Variants in R3HDM2 observed in about 807,000 individuals in gnomAD.
R3HDM2 encodes R3H domain containing 2.
R3HDM2 carries 38 observed loss-of-function variants against 124.5 expected under a neutral mutation model. The ratio of observed to expected loss-of-function variants is 0.31; its 90% CI spans 0.24 to 0.40. The LOEUF (loss-of-function observed/expected upper bound fraction) is 0.40. Ranked by LOEUF, R3HDM2 falls within the 10% of genes least tolerant of loss-of-function variation. The pLI, the probability that R3HDM2 is intolerant of heterozygous loss-of-function variation, is 1.00. For missense variants in R3HDM2, 869 were observed against 1,236.9 expected (o/e 0.70, Z 4.46); for synonymous variants, 391 against 448.0 (o/e 0.87, Z 1.61).
At chr12:57,351,108 T>C (rs1469637454) in intron 2 of R3HDM2, among the ~76,000 whole-genome samples, 1 of 151,490 alleles carries the variant, frequency 6.6e-6, no homozygotes, top group East Asian at 1.9e-4. Context: ...TCTCAAAAAA[T>C]AAAAATAAAA....
chr12:57,391,859 G>T (rs1257231003), intron 2 of R3HDM2, among the ~76,000 whole-genome samples: 1 of 152,178 alleles, frequency 6.6e-6, no homozygotes, highest in Non-Finnish European at 1.5e-5. Flanking sequence ...CATGTGCAAA[G>T]AGCTATAGTA....
intron 2 of R3HDM2, among the ~76,000 whole-genome samples, chr12:57,352,178 G>T (rs1295908475): frequency 7.0e-6 from 1 of 143,658 alleles, no homozygotes; most frequent in African/African-American, 2.6e-5. Flanking sequence ...AGAGGTGGAG[G>T]TTGCAGTGAG....
intron 2 of R3HDM2, among the ~76,000 whole-genome samples, chr12:57,336,823 A>T (rs774502729): frequency 2.4e-3 from 101 of 41,636 alleles, no homozygotes; most frequent in Admixed American, 5.2e-3. Context: ...ATAAAAGTTT[A>T]AAAAAAAAAA....
At chr12:57,414,497 A>AAC (rs1436939092) in intron 1 of R3HDM2, among the ~76,000 whole-genome samples, 20 of 148,868 alleles carry the variant, frequency 1.3e-4, no homozygotes, top group African/African-American at 4.7e-4. Context: ...AAAAAAAAAA[A>AAC]AAAAAAAAAA....
At chr12:57,390,357 G>A (rs1433506174) in intron 2 of R3HDM2, among the ~76,000 whole-genome samples, 1 of 152,074 alleles carries the variant, frequency 6.6e-6, no homozygotes, top group Non-Finnish European at 1.5e-5. Flanking sequence ...GGGAAGGAGA[G>A]TCTAAGGGGA....
rs1433257808 is a variant in R3HDM2 at position 57,296,061 on chromosome 12, G to T, written c.701+350C>A. On this transcript the variant is annotated intron_variant, in intron 9 of 23. Coordinates refer to ENST00000402412, the MANE Select transcript of R3HDM2 (RefSeq NM_001394031.1). This position sits in a 1 kb window ranked among gnomAD's most constrained non-coding sequence, Gnocchi z 4.5. The stretch of plus-strand genomic sequence containing the variant: ...ATTTTTGTATTTTTAGTAGAGACGG[G>T]GTTTCACCATCTTGGCCAAGCGGGT... Among the ~76,000 whole-genome samples, 1 of 151,946 alleles carries T rather than the reference G, an allele frequency of 6.6e-6. No homozygotes were observed. Among genetic ancestry groups the T allele is most frequent in the Non-Finnish European group, 1.5e-5 (1 of 67,978 alleles).
chr12:57,358,429 G>C (rs1325392228), intron 2 of R3HDM2, among the ~76,000 whole-genome samples: 2 of 152,014 alleles, frequency 1.3e-5, no homozygotes, highest in Non-Finnish European at 2.9e-5. Flanking sequence ...TTGAGGCCAG[G>C]AGTTTGACAC....
At chr12:57,255,893 C>T in intron 23 of R3HDM2, 97 bp downstream of exon 23, 1 of 1,047,748 alleles carries the variant, frequency 9.5e-7, no homozygotes, top group Non-Finnish European at 1.4e-6. Flanking sequence ...CTTCCACTCC[C>T]CATCCTAAGC....
intron 19 of R3HDM2, among the ~76,000 whole-genome samples, chr12:57,260,789 G>A (rs1284554619): frequency 6.6e-6 from 1 of 152,238 alleles, no homozygotes; most frequent in Non-Finnish European, 1.5e-5. Flanking sequence ...TTCCTATGAC[G>A]GGAAATGTTG....
At chr12:57,402,430 C>A (rs2068125947) in intron 1 of R3HDM2, among the ~76,000 whole-genome samples, 2 of 152,152 alleles carry the variant, frequency 1.3e-5, no homozygotes, top group South Asian at 2.1e-4. Flanking sequence ...CTCATTGCAA[C>A]CTCCACCTCC....
intron 14 of R3HDM2, among the ~76,000 whole-genome samples, chr12:57,274,608 G>A (rs977250175): frequency 4.6e-5 from 7 of 152,212 alleles, no homozygotes; most frequent in Non-Finnish European, 1.0e-4. Context: ...GCAGTGATAC[G>A]GGCAGGGATA....
chr12:57,379,001 G>C (rs1322201985), intron 2 of R3HDM2, among the ~76,000 whole-genome samples: 2 of 152,164 alleles, frequency 1.3e-5, no homozygotes, highest in Non-Finnish European at 2.9e-5. Context: ...ATATGAGGTA[G>C]TTAGAATATT....
chr12:57,375,470 T>C (rs1176367701), intron 2 of R3HDM2, among the ~76,000 whole-genome samples: 5 of 152,102 alleles, frequency 3.3e-5, no homozygotes, highest in Admixed American at 2.6e-4. Flanking sequence ...AGGAAAAAAA[T>C]GGCTATATCT....
intron 2 of R3HDM2, among the ~76,000 whole-genome samples, chr12:57,325,893 G>A (rs1309610833): frequency 2.6e-5 from 4 of 151,744 alleles, no homozygotes; most frequent in Non-Finnish European, 5.9e-5. Flanking sequence ...GCAACCCTGT[G>A]TCAGGCAAGT....
chr12:57,313,197 A>G (rs1293393015), intron 2 of R3HDM2, among the ~76,000 whole-genome samples: 1 of 152,152 alleles, frequency 6.6e-6, no homozygotes, highest in East Asian at 1.9e-4. Context: ...AGTTCTCTTC[A>G]GTCTGAAGTA....
chr12:57,255,097 C>T lies in R3HDM2; in HGVS notation c.2649G>A (p.Leu883=), dbSNP rs1405661375. Residue 883 remains leucine, a synonymous_variant, in exon 24 of 24, where the codon CTG becomes CTA. Coordinates refer to ENST00000402412, the MANE Select transcript of R3HDM2 (RefSeq NM_001394031.1). ...TGCCCTCAGGGAGATCTGTCACCTC[C>T]AGCACCCGCCCCAGGACTGGAAGGG... ...GTADVVLGRV[L]EVTDLPEGIT... is the part of the protein sequence containing the mutation. 1 of 1,591,276 alleles carries T rather than the reference C, an allele frequency of 6.3e-7. No homozygotes were observed. Among genetic ancestry groups the T allele is most frequent in the African/African-American group, 1.3e-5 (1 of 74,634 alleles).
chr12:57,360,685 C>G (rs1326691263), intron 2 of R3HDM2, among the ~76,000 whole-genome samples: 1 of 145,180 alleles, frequency 6.9e-6, no homozygotes. Context: ...AAAGGAAAGG[C>G]GAAAGGAAAA....
At chr12:57,415,172 T>A (rs955550427) in intron 1 of R3HDM2, 3 of 152,064 alleles carry the variant, frequency 2.0e-5, no homozygotes, top group African/African-American at 7.2e-5. Context: ...TTTTGAACTA[T>A]CAAATCTATA....
intron 1 of R3HDM2, among the ~76,000 whole-genome samples, chr12:57,423,994 A>T (rs1489416775): frequency 6.7e-6 from 1 of 148,614 alleles, no homozygotes; most frequent in Non-Finnish European, 1.5e-5. Context: ...CATGCCTGTA[A>T]TCCCAGCTAC....
Sources: gnomAD v4.1 joint callset for allele counts (sites outside exome capture counted in the v4.1 genomes callset) on GRCh38, gnomAD v4.1.1 for gene constraint, Gnocchi (gnomAD v3.1) non-coding constraint, MANE v1.5 for transcripts, NCBI Gene and HGNC (gene_info 2026-07-23, HGNC 2026-07-21) for gene names.